The following AATF variants were observed in gnomAD, a reference collection of about 807,000 sequenced individuals.
AATF encodes protein AATF.
In AATF, 48 loss-of-function variants were observed where a neutral mutation model predicts 63.7. The ratio of observed to expected loss-of-function variants is 0.75; its 90% confidence interval spans 0.60 to 0.96. The LOEUF (loss-of-function observed/expected upper bound fraction) is 0.96. AATF is among the 40% of genes least tolerant of loss of function. The probability of loss-of-function intolerance (pLI) is 0.00; values close to 1 mark genes in which losing one functional copy is unlikely to be tolerated. For missense variants in AATF, 639 were observed against 685.7 expected (o/e 0.93, Z 0.76); for synonymous variants, 258 against 247.7 (o/e 1.04, Z -0.39).
chr17:37,044,519 T>C (rs1297306141), intron 11 of AATF, among the ~76,000 whole-genome samples: 9 of 152,198 alleles, frequency 5.9e-5, no homozygotes, highest in Admixed American at 5.9e-4. Context: ...CTAAACTTTG[T>C]ATACACTATA....
chr17:37,020,820 T>C, intron 9 of AATF, 114 bp from the exon 10 acceptor site: 1 of 799,108 alleles, frequency 1.3e-6, no homozygotes, highest in South Asian at 2.2e-5. Flanking sequence ...CTTGAGGAAC[T>C]TGATGTAGGT....
At chr17:36,982,892 C>A (rs1266916833) in intron 4 of AATF, among the ~76,000 whole-genome samples, 1 of 152,140 alleles carries the variant, frequency 6.6e-6, no homozygotes, top group Non-Finnish European at 1.5e-5. Flanking sequence ...ATTGGACTTT[C>A]TGTCTCTATG....
chr17:37,021,353 G>T (rs986989473), intron 10 of AATF, among the ~76,000 whole-genome samples: 1 of 152,146 alleles, frequency 6.6e-6, no homozygotes, highest in Admixed American at 6.5e-5. Flanking sequence ...TTATGGCCAG[G>T]CGTGGTGGCT....
intron 4 of AATF, among the ~76,000 whole-genome samples, chr17:36,982,667 GT>G (rs906921026): frequency 6.6e-6 from 1 of 151,674 alleles, no homozygotes. Context: ...TTTTTTTGTT[GT>G]TTTTTTTGTT....
At chr17:36,949,244 G>A in intron 1 of AATF, 28 bp downstream of exon 1, 1 of 1,565,596 alleles carries the variant, frequency 6.4e-7, no homozygotes, top group Non-Finnish European at 8.6e-7. Context: ...CAGGCCACGT[G>A]CGGAGCGGTG....
chr17:37,035,381 C>T (rs1360345718), intron 11 of AATF, among the ~76,000 whole-genome samples: 2 of 150,854 alleles, frequency 1.3e-5, no homozygotes, highest in African/African-American at 4.9e-5. Context: ...ACCATGCACA[C>T]ACGCCCTCCT....
chr17:36,954,540 A>G (rs1488279264), intron 4 of AATF, among the ~76,000 whole-genome samples: 1 of 152,214 alleles, frequency 6.6e-6, no homozygotes, highest in Non-Finnish European at 1.5e-5. Flanking sequence ...ATGTGCTAAG[A>G]TGATCTTATT....
chr17:36,963,018 C>CT (rs2070960947), intron 4 of AATF, among the ~76,000 whole-genome samples: 1 of 152,146 alleles, frequency 6.6e-6, no homozygotes, highest in Non-Finnish European at 1.5e-5. Flanking sequence ...ACTCGGGAGG[C>CT]TGAGGCAGGA....
intron 11 of AATF, among the ~76,000 whole-genome samples, chr17:37,050,110 T>G (rs2071734703): frequency 6.6e-6 from 1 of 152,026 alleles, no homozygotes; most frequent in African/African-American, 2.4e-5. Flanking sequence ...CATCAAATAG[T>G]TGAAGTGCTG....
intron 1 of AATF, among the ~76,000 whole-genome samples, chr17:36,949,769 C>T (rs980652052): frequency 3.3e-5 from 5 of 152,042 alleles, no homozygotes; most frequent in African/African-American, 7.2e-5. Context: ...AGACTTGAGT[C>T]GGAAGTGTGA....
At chr17:36,978,659 T>G (rs1217565722) in intron 4 of AATF, among the ~76,000 whole-genome samples, 1 of 152,034 alleles carries the variant, frequency 6.6e-6, no homozygotes, top group Admixed American at 6.6e-5. Flanking sequence ...AATCTGAATA[T>G]ATATACACAT....
chr17:37,056,384 G>A, intron 11 of AATF: 1 of 542,370 alleles, frequency 1.8e-6, no homozygotes, highest in East Asian at 3.1e-5. Context: ...CTGGAGACGG[G>A]TGTCCAGCCG....
intron 10 of AATF, among the ~76,000 whole-genome samples, chr17:37,028,918 CT>C (rs1442063627): frequency 1.3e-5 from 2 of 152,016 alleles, no homozygotes. Context: ...GCTTATAAGG[CT>C]AGGTGAGAAA....
intron 11 of AATF, among the ~76,000 whole-genome samples, chr17:37,044,678 G>A (rs545873750): frequency 3.9e-5 from 6 of 152,206 alleles, no homozygotes; most frequent in Admixed American, 6.5e-5. Flanking sequence ...GAATTCTTGC[G>A]TCCAGAGGAA....
chr17:37,036,672 G>A (rs2071595056), intron 11 of AATF, among the ~76,000 whole-genome samples: 1 of 151,538 alleles, frequency 6.6e-6, no homozygotes, highest in Non-Finnish European at 1.5e-5. Flanking sequence ...ATTTCCCTTT[G>A]GGGCATTTCC....
At chr17:37,053,596 G>A (rs1313364464) in intron 11 of AATF, among the ~76,000 whole-genome samples, 3 of 152,248 alleles carry the variant, frequency 2.0e-5, no homozygotes, top group African/African-American at 7.2e-5. Flanking sequence ...AAAAGTTTAT[G>A]TGTGGCCCAC....
intron 4 of AATF, among the ~76,000 whole-genome samples, chr17:36,962,808 A>G (rs147648549): frequency 2.8e-3 from 426 of 152,196 alleles, no homozygotes; most frequent in Non-Finnish European, 4.5e-3. Flanking sequence ...AAACGTAACT[A>G]TATGTGCCTG....
At chr17:37,012,394 A>G (rs551801255) in intron 8 of AATF, among the ~76,000 whole-genome samples, 1 of 152,206 alleles carries the variant, frequency 6.6e-6, no homozygotes, top group African/African-American at 2.4e-5. Flanking sequence ...TGAGAACCAA[A>G]AAAGGAGGTA....
chr17:36,972,074 G>T (rs2142226203), intron 4 of AATF, among the ~76,000 whole-genome samples: 1 of 152,072 alleles, frequency 6.6e-6, no homozygotes, highest in East Asian at 1.9e-4. Flanking sequence ...TTGAGGGAGG[G>T]GGTATATGTG....
Sources: allele counts gnomAD v4.1 joint callset (sites outside exome capture counted in the v4.1 genomes callset), GRCh38; gene constraint gnomAD v4.1.1; transcripts MANE v1.5; gene names NCBI Gene and HGNC (gene_info 2026-07-23, HGNC 2026-07-21).